The following PTPN4 variants were observed in gnomAD, a reference collection of about 807,000 sequenced individuals.
PTPN4 encodes protein tyrosine phosphatase non-receptor type 4.
In PTPN4, 49 loss-of-function variants were observed where a neutral mutation model predicts 135.5. That is an observed-to-expected ratio of 0.36 (90% CI 0.29 to 0.46). PTPN4 has a LOEUF of 0.46. Among genes scored for constraint, PTPN4 ranks in the 20% least tolerant of loss-of-function variants. The probability of loss-of-function intolerance (pLI) is 1.00; values close to 1 mark genes in which losing one functional copy is unlikely to be tolerated. For synonymous variants in PTPN4, 333 were observed against 369.9 expected (o/e 0.90, Z 1.14); for missense variants, 860 against 1,101.0 (o/e 0.78, Z 3.10).
At chr2:119,827,066 A>G (rs1677156832) in intron 2 of PTPN4, among the ~76,000 whole-genome samples, 1 of 152,150 alleles carries the variant, frequency 6.6e-6, no homozygotes, top group South Asian at 2.1e-4. Flanking sequence ...TTTTGATCTA[A>G]CTAGGCGTTT....
At chr2:119,882,069 G>C (rs1678088649) in intron 6 of PTPN4, 28 bp from the exon 7 acceptor site, 1 of 1,567,774 alleles carries the variant, frequency 6.4e-7, no homozygotes. Flanking sequence ...TTAACCTTCG[G>C]TTGTGTATTT....
chr2:119,890,130 T>C (rs1678220047), intron 9 of PTPN4, among the ~76,000 whole-genome samples: 1 of 152,188 alleles, frequency 6.6e-6, no homozygotes, highest in Non-Finnish European at 1.5e-5. Flanking sequence ...TATTATTGTA[T>C]TGCAGTCTGT....
At chr2:119,783,434 G>C (rs558168965) in intron 1 of PTPN4, among the ~76,000 whole-genome samples, 5 of 152,284 alleles carry the variant, frequency 3.3e-5, no homozygotes, top group Admixed American at 2.6e-4. Flanking sequence ...GTGTTGAGGT[G>C]GAGATTGCGG....
chr2:119,911,895 C>T (rs1391130449), intron 10 of PTPN4, among the ~76,000 whole-genome samples: 1 of 152,078 alleles, frequency 6.6e-6, no homozygotes, highest in South Asian at 2.1e-4. Context: ...ATATGTCTAC[C>T]ATATGACCTA....
chr2:119,858,242 T>G (rs1677710416), intron 2 of PTPN4, among the ~76,000 whole-genome samples: 1 of 152,242 alleles, frequency 6.6e-6, no homozygotes, highest in African/African-American at 2.4e-5. Flanking sequence ...AAGAACAGCC[T>G]AACACATTTC....
intron 26 of PTPN4, among the ~76,000 whole-genome samples, chr2:119,969,961 C>T (rs1269944796): frequency 3.9e-5 from 6 of 152,236 alleles, no homozygotes; most frequent in Admixed American, 3.9e-4. Context: ...ATACAATTCA[C>T]ATACCATAAA....
chr2:119,784,548 G>A (rs918777663), intron 1 of PTPN4, among the ~76,000 whole-genome samples: 1 of 151,642 alleles, frequency 6.6e-6, no homozygotes, highest in Non-Finnish European at 1.5e-5. Flanking sequence ...CACCATGCCC[G>A]GCTAATTTTT....
At chr2:119,962,506 C>G (rs944509507) in intron 23 of PTPN4, 110 bp from the exon 24 acceptor site, 5 of 604,924 alleles carry the variant, frequency 8.3e-6, no homozygotes, top group African/African-American at 2.0e-5. Flanking sequence ...TTAAATTTTT[C>G]TTGTAACTTT....
intron 15 of PTPN4, among the ~76,000 whole-genome samples, chr2:119,937,498 G>A (rs946969766): frequency 3.9e-5 from 6 of 152,158 alleles, no homozygotes; most frequent in African/African-American, 1.4e-4. Flanking sequence ...CATGTGAATT[G>A]GATGGTTAAA....
At chr2:119,865,533 T>C (rs1677819866) in intron 3 of PTPN4, among the ~76,000 whole-genome samples, 1 of 152,086 alleles carries the variant, frequency 6.6e-6, no homozygotes, top group African/African-American at 2.4e-5. Context: ...GCCTGTACTC[T>C]CTACCATATG....
At chr2:119,960,359 C>G (rs989061519) in intron 22 of PTPN4, among the ~76,000 whole-genome samples, 1 of 152,184 alleles carries the variant, frequency 6.6e-6, no homozygotes, top group African/African-American at 2.4e-5. Flanking sequence ...AAAATTCAAG[C>G]TAAAACCAAT....
intron 1 of PTPN4, among the ~76,000 whole-genome samples, chr2:119,775,595 G>A (rs1690820936): frequency 6.6e-6 from 1 of 152,174 alleles, no homozygotes; most frequent in African/African-American, 2.4e-5. Flanking sequence ...AGGATTGTCA[G>A]CATTATGGAA....
rs541824361 is a variant in PTPN4, at chr2:119,937,559, G to A, written c.1355+2601G>A. Among the ~76,000 whole-genome samples the A allele has an allele frequency of 2.0e-5, 3 of 152,284 alleles. No homozygotes were observed. In the East Asian group the frequency reaches 5.8e-4, roughly 29 times the overall value. On this transcript the variant is annotated intron_variant, in intron 15 of 26. Coordinates refer to ENST00000263708, the MANE Select transcript of PTPN4 (RefSeq NM_002830.4). ...GCGGCAACAGAGAGCTGCATTAACTGCAAAATAAGCTTTTTTTCACTGCTG... is the reference window on the plus strand; with the variant it reads ...GCGGCAACAGAGAGCTGCATTAACTACAAAATAAGCTTTTTTTCACTGCTG...
rs1679121289 is a variant in PTPN4 at position 119,945,606 on chromosome 2, A to C, written c.1515+366A>C. On this transcript the variant is annotated intron_variant, in intron 16 of 26. Coordinates refer to ENST00000263708, the MANE Select transcript of PTPN4 (RefSeq NM_002830.4). ...TAAAACTTAAAGTATAATAATAATAAAAATTAAAAATAAAAATAACAATAA... is the reference window on the plus strand; with the variant it reads ...TAAAACTTAAAGTATAATAATAATACAAATTAAAAATAAAAATAACAATAA... 1.6e-4 allele frequency among the ~76,000 whole-genome samples: 3 copies of C among 19,170 alleles called. No individual in the cohort carries two copies. In the Admixed American group the frequency reaches 2.2e-3, roughly 14 times the overall value. 12.6% of individuals were successfully genotyped at this position (19,170 alleles called of 152,430 possible).
rs374547795 is a variant in PTPN4 at position 119,945,248 on chromosome 2, G to T, written c.1515+8G>T. On this transcript the variant is annotated splice_region_variant and intron_variant, in intron 16 of 26. Coordinates refer to ENST00000263708, the MANE Select transcript of PTPN4 (RefSeq NM_002830.4). ...TCTCCTGAAAAACCCACTGTAAGTAGCTTCTTCAGATATTCTCATTTTTAT... is the reference window on the plus strand; with the variant it reads ...TCTCCTGAAAAACCCACTGTAAGTATCTTCTTCAGATATTCTCATTTTTAT... The T allele has an allele frequency of 7.9e-6, 12 of 1,519,198 alleles. No homozygotes were observed. The Admixed American group carries it at 1.4e-4, about 18-fold the overall frequency. 94.1% of individuals were successfully genotyped at this position (1,519,198 alleles called of 1,614,324 possible).
chr2:119,800,463 G>A (rs1401307580), intron 1 of PTPN4, among the ~76,000 whole-genome samples: 1 of 143,066 alleles, frequency 7.0e-6, no homozygotes, highest in African/African-American at 2.6e-5. Context: ...TTTTACTGTT[G>A]AGTTCTGAGA....
intron 5 of PTPN4, 29 bp from the exon 6 acceptor site, chr2:119,881,757 G>A: frequency 1.4e-6 from 2 of 1,446,756 alleles, no homozygotes; most frequent in Non-Finnish European, 1.9e-6. Context: ...TCTATTAAAT[G>A]CTATCCTTTT....
intron 26 of PTPN4, among the ~76,000 whole-genome samples, chr2:119,970,610 A>G (rs1679518050): frequency 6.6e-6 from 1 of 152,182 alleles, no homozygotes; most frequent in African/African-American, 2.4e-5. Context: ...TTAAAGGTTT[A>G]TCTGTACTGC....
At position 119,962,749 on chromosome 2, in the gene PTPN4, G is replaced by C. The variant is rs1212177458; in HGVS notation, c.2409+5G>C. The C allele has an allele frequency of 6.4e-7, 1 of 1,568,732 alleles. No individual in the cohort carries two copies. The highest frequency in any genetic ancestry group is 8.7e-7 in the Non-Finnish European group (1 of 1,150,658). ...ATGACCCTATTTAACCAAGAGGTAA[G>C]AAGGCAGGATATCTGTTCATTAGAA... On this transcript the variant is annotated splice_donor_5th_base_variant and intron_variant, in intron 24 of 26. Transcript: ENST00000263708.
Sources: gnomAD v4.1 joint callset for allele counts (sites outside exome capture counted in the v4.1 genomes callset) on GRCh38, gnomAD v4.1.1 for gene constraint, MANE v1.5 for transcripts, NCBI Gene and HGNC (gene_info 2026-07-23, HGNC 2026-07-21) for gene names.